HOXC11: variants seen among roughly 807,000 people sequenced by gnomAD.
HOXC11 encodes homeobox C11.
Under a neutral mutation model 23.6 loss-of-function variants are expected in HOXC11, and 17 were observed. That is an observed-to-expected ratio of 0.72 (90% confidence interval 0.49 to 1.08). The LOEUF (loss-of-function observed/expected upper bound fraction) is 1.08. Among genes scored for constraint, HOXC11 ranks in the 50% least tolerant of loss-of-function variants. The pLI is 0.00. For synonymous variants in HOXC11, 196 were observed against 183.8 expected (o/e 1.07, Z -0.54); for missense variants, 413 against 412.1 (o/e 1.00, Z -0.02).
chr12:53,976,127 C>CT lies in HOXC11; in HGVS notation c.*730dup, dbSNP rs768935038. 0.17 allele frequency: 31,514 copies of CT among 180,284 alleles called. 2,308 individuals carry two copies. Among genetic ancestry groups the CT allele is most frequent in the Non-Finnish European group, 0.21 (18,908 of 92,166 alleles). The allele number at this position is 180,284 out of a possible 1,614,324, so 11.2% of individuals were successfully genotyped here. A position where few individuals can be genotyped will look rare whatever the true frequency, so the allele number is the denominator to read the frequency against. On this transcript the variant is annotated 3_prime_UTR_variant, in exon 2 of 2. Coordinates refer to ENST00000546378, the MANE Select transcript of HOXC11 (RefSeq NM_014212.4). ...GCTATAGTCTATGCAGTCGTTACCTCTTTTTTTTTTTTTTTTAAGAAAATT... is the reference window on the plus strand; with the variant it reads ...GCTATAGTCTATGCAGTCGTTACCTCTTTTTTTTTTTTTTTTTAAGAAAATT...
At position 53,976,275 on chromosome 12, in the gene HOXC11, G is replaced by T. The variant is rs571970883; in HGVS notation, c.*862G>T. ...TCCACCTGGAGGGAAAGGGGGGGAC[G>T]CCCCCAGTGAGATTCAAATCACGCA... On this transcript the variant is annotated 3_prime_UTR_variant, in exon 2 of 2. Transcript: ENST00000546378. The T allele has an allele frequency of 5.1e-4, 113 of 223,474 alleles. No individual in the cohort carries two copies. Among genetic ancestry groups the T allele is most frequent in the Non-Finnish European group, 9.0e-4 (101 of 111,772 alleles). The allele number at this position is 223,474 out of a possible 1,614,324, so 13.8% of individuals were successfully genotyped here. A position where few individuals can be genotyped will look rare whatever the true frequency, so the allele number is the denominator to read the frequency against.
At position 53,975,406 on chromosome 12, in the gene HOXC11, T is replaced by C. The variant is rs1309223332; in HGVS notation, c.908T>C (p.Leu303Pro). The change falls in exon 2 of 2, where the codon CTG becomes CCG. Residue 303 changes from leucine to proline, a missense_variant. Transcript: ENST00000546378. ...CTGCAGTATTTCTCGGGAAATCCTC[T>C]GCTGTAACCTGCAGACCGGGCCCTT... ...DRLQYFSGNP[L>P]L 1 of 1,591,620 alleles carries C rather than the reference T, an allele frequency of 6.3e-7. No homozygotes were observed. Among genetic ancestry groups the C allele is most frequent in the Non-Finnish European group, 8.6e-7 (1 of 1,161,676 alleles).
chr12:53,973,399 A>G lies in HOXC11; in HGVS notation c.158A>G (p.Gln53Arg). ...EFSTVSSFLPQAPSRQISYPY... is the reference protein window; with the variant it reads ...EFSTVSSFLPRAPSRQISYPY... ...TCCACGGTCTCCTCCTTCCTGCCCC[A>G]GGCCCCCTCTCGTCAGATCTCCTAT... Residue 53 changes from glutamine (Q) to arginine (R), a missense_variant, in exon 1 of 2, where the codon CAG becomes CGG. Physicochemically the swap from Gln to Arg is conservative, Grantham distance 43. Coordinates refer to ENST00000546378, the MANE Select transcript of HOXC11 (RefSeq NM_014212.4). This position sits in a 1 kb window ranked among gnomAD's most constrained non-coding sequence, Gnocchi z 4.3. 6.2e-7 allele frequency: 1 copy of G among 1,614,044 alleles called. No individual in the cohort carries two copies. Among genetic ancestry groups the G allele is most frequent in the Non-Finnish European group, 8.5e-7 (1 of 1,180,012 alleles).
In HOXC11 at chr12:53,975,472, T is replaced by A. The variant is rs1675669439; in HGVS notation, c.*59T>A. ...GGGGAAAATTATTTTATTTTATTTT[T>A]ATTTTTTATTTTCTAACTCGTCTTC... On this transcript the variant is annotated 3_prime_UTR_variant, in exon 2 of 2. Transcript: ENST00000546378. 1 of 1,042,196 alleles carries A rather than the reference T, an allele frequency of 9.6e-7. No homozygotes were observed. Among genetic ancestry groups the A allele is most frequent in the Non-Finnish European group, 1.5e-6 (1 of 686,288 alleles). 64.6% of individuals were successfully genotyped at this position (1,042,196 alleles called of 1,614,324 possible). A position where few individuals can be genotyped will look rare whatever the true frequency, so the allele number is the denominator to read the frequency against.
Position 53,975,422 on chromosome 12 carries a change from C to T in HOXC11, c.*9C>T. On this transcript the variant is annotated 3_prime_UTR_variant, in exon 2 of 2. Transcript: ENST00000546378. Reference sequence around the variant, plus strand: ...GAAATCCTCTGCTGTAACCTGCAGACCGGGCCCTTTTGGGGGCGGGGGGAG... The same window carrying T: ...GAAATCCTCTGCTGTAACCTGCAGATCGGGCCCTTTTGGGGGCGGGGGGAG... The T allele has an allele frequency of 1.9e-6, 3 of 1,541,508 alleles. No individual in the cohort carries two copies. The highest frequency in any genetic ancestry group is 2.7e-6 in the Non-Finnish European group (3 of 1,116,966).
rs1395178990 is a variant in HOXC11 at position 53,973,817 on chromosome 12, G to A, written c.576G>A (p.Arg192=). The change falls in exon 1 of 2, where the codon CGG becomes CGA. Residue 192 remains arginine, a synonymous_variant. Coordinates refer to ENST00000546378, the MANE Select transcript of HOXC11 (RefSeq NM_014212.4). This position sits in a 1 kb window ranked among gnomAD's most constrained non-coding sequence, Gnocchi z 4.3. ...EAPPASGLAS[R]AEAGAEAEAE... ...CCCCGGCCTCGGGACTGGCGTCCCGGGCTGAGGCGGGTGCCGAGGCGGAGG... is the reference window on the plus strand; with the variant it reads ...CCCCGGCCTCGGGACTGGCGTCCCGAGCTGAGGCGGGTGCCGAGGCGGAGG... The A allele has an allele frequency of 6.5e-7, 1 of 1,540,878 alleles. No homozygotes were observed. Among genetic ancestry groups the A allele is most frequent in the Non-Finnish European group, 8.7e-7 (1 of 1,148,550 alleles).
In HOXC11 at chr12:53,977,337, A is replaced by G. The variant is rs1939280408; in HGVS notation, c.*1924A>G. The G allele has an allele frequency of 6.6e-6, 1 of 152,186 alleles. No individual in the cohort carries two copies. The highest frequency in any genetic ancestry group is 2.4e-5 in the African/African-American group (1 of 41,446). 9.4% of individuals were successfully genotyped at this position (152,186 alleles called of 1,614,324 possible). A position where few individuals can be genotyped will look rare whatever the true frequency, so the allele number is the denominator to read the frequency against. On this transcript the variant is annotated 3_prime_UTR_variant, in exon 2 of 2. Coordinates refer to ENST00000546378, the MANE Select transcript of HOXC11 (RefSeq NM_014212.4). Reference sequence around the variant, plus strand: ...TCTGTCTTTGTATAATTCAAAGAAAATATTTTTGTCAATACAATTCTGTTG... The same window carrying G: ...TCTGTCTTTGTATAATTCAAAGAAAGTATTTTTGTCAATACAATTCTGTTG...
At position 53,973,250 on chromosome 12, in the gene HOXC11, C is replaced by T. The variant is rs746737594; in HGVS notation, c.9C>T (p.Asn3=). Reference sequence around the variant, plus strand: ...GGCAGGAGAGGAGAACGATGTTTAACTCGGTCAACCTGGGCAACTTCTGCT... The same window carrying T: ...GGCAGGAGAGGAGAACGATGTTTAATTCGGTCAACCTGGGCAACTTCTGCT... MF[N]SVNLGNFCSP... The change falls in exon 1 of 2, where the codon AAC becomes AAT. Residue 3 remains asparagine (N), a synonymous_variant. Coordinates refer to ENST00000546378, the MANE Select transcript of HOXC11 (RefSeq NM_014212.4). This position sits in a 1 kb window ranked among gnomAD's most constrained non-coding sequence, Gnocchi z 4.3. 2.5e-6 allele frequency: 4 copies of T among 1,596,340 alleles called. No homozygotes were observed. Among genetic ancestry groups the T allele is most frequent in the South Asian group, 1.1e-5 (1 of 88,072 alleles).
chr12:53,975,951 G>A lies in HOXC11; in HGVS notation c.*538G>A, dbSNP rs982830822. 1.9e-5 allele frequency: 5 copies of A among 257,672 alleles called. No homozygotes were observed. The highest frequency in any genetic ancestry group is 1.1e-4 in the African/African-American group (5 of 46,048). The allele number at this position is 257,672 out of a possible 1,614,324, so 16.0% of individuals were successfully genotyped here. On this transcript the variant is annotated 3_prime_UTR_variant, in exon 2 of 2. Transcript: ENST00000546378. The stretch of plus-strand genomic sequence containing the variant: ...TTCAACCTGGTGTTAGGTGTGCAAA[G>A]TCCGTGTCCTACCTCCGTCTTCGCC...
chr12:53,976,584 T>A lies in HOXC11; in HGVS notation c.*1171T>A, dbSNP rs1414863404. 6.0e-6 allele frequency: 1 copy of A among 166,610 alleles called. No individual in the cohort carries two copies. The highest frequency in any genetic ancestry group is 1.3e-5 in the Non-Finnish European group (1 of 76,074). The allele number at this position is 166,610 out of a possible 1,614,324, so 10.3% of individuals were successfully genotyped here. ...GGTGCTAGCCGGCCTGGAGCTCCTC[T>A]CCGCTGGCAGGGCCAAGAGTATGGC... On this transcript the variant is annotated 3_prime_UTR_variant, in exon 2 of 2. Coordinates refer to ENST00000546378, the MANE Select transcript of HOXC11 (RefSeq NM_014212.4).
In HOXC11 at chr12:53,973,665, A is replaced by T. The variant is rs769163448; in HGVS notation, c.424A>T (p.Asn142Tyr). ...ATPAGFYSSVNKNSVLPQAFD... is the reference protein window; with the variant it reads ...ATPAGFYSSVYKNSVLPQAFD... ...CCCCGCCGGCTTCTACTCCTCAGTC[A>T]ACAAGAACAGCGTCCTGCCTCAAGC... Residue 142 changes from asparagine (N) to tyrosine (Y), a missense_variant, in exon 1 of 2, where the codon AAC becomes TAC. Physicochemically the swap from Asn to Tyr is moderately radical, Grantham distance 143. Coordinates refer to ENST00000546378, the MANE Select transcript of HOXC11 (RefSeq NM_014212.4). This position sits in a 1 kb window ranked among gnomAD's most constrained non-coding sequence, Gnocchi z 4.3. 6.2e-7 allele frequency: 1 copy of T among 1,613,516 alleles called. No homozygotes were observed. Among genetic ancestry groups the T allele is most frequent in the South Asian group, 1.1e-5 (1 of 91,080 alleles).
chr12:53,974,133 G>A (rs1055607770), intron 1 of HOXC11, among the ~76,000 whole-genome samples: 3 of 152,180 alleles, frequency 2.0e-5, no homozygotes, highest in African/African-American at 7.2e-5. Context: ...ATGGAGAAGG[G>A]GTGGGGAGGG....
Position 53,976,380 on chromosome 12 carries a change from T to G in HOXC11, c.*967T>G. 1 of 210,190 alleles carries G rather than the reference T, an allele frequency of 4.8e-6. No homozygotes were observed. The highest frequency in any genetic ancestry group is 7.1e-5 in the East Asian group (1 of 14,066). 13.0% of individuals were successfully genotyped at this position (210,190 alleles called of 1,614,324 possible). On this transcript the variant is annotated 3_prime_UTR_variant, in exon 2 of 2. Transcript: ENST00000546378. Reference sequence around the variant, plus strand: ...CTTCCCAGAGGGATTGCTGTGAAATTTTTTTGGTGGCAAATAAAGATAAAT... The same window carrying G: ...CTTCCCAGAGGGATTGCTGTGAAATGTTTTTGGTGGCAAATAAAGATAAAT...
chr12:53,974,731 C>T (rs1939223029), intron 1 of HOXC11, among the ~76,000 whole-genome samples: 1 of 151,864 alleles, frequency 6.6e-6, no homozygotes, highest in Admixed American at 6.5e-5. Flanking sequence ...TTCCTCCCCG[C>T]CTCCCGACTG....
rs778097278 is a variant in HOXC11 at position 53,973,823 on chromosome 12, G to A, written c.582G>A (p.Glu194=). ...PPASGLASRA[E]AGAEAEAEEE... is the part of the protein sequence containing the mutation. ...CCTCGGGACTGGCGTCCCGGGCTGA[G>A]GCGGGTGCCGAGGCGGAGGCTGAGG... The change falls in exon 1 of 2, where the codon GAG becomes GAA. Residue 194 remains glutamate, a synonymous_variant. Coordinates refer to ENST00000546378, the MANE Select transcript of HOXC11 (RefSeq NM_014212.4). The surrounding 1 kb of genome is among the most constrained non-coding windows in gnomAD (Gnocchi z 4.3). 11 of 1,529,724 alleles carry A rather than the reference G, an allele frequency of 7.2e-6. No individual in the cohort carries two copies. The African/African-American group carries it at 9.7e-5, about 14-fold the overall frequency. 94.8% of individuals were successfully genotyped at this position (1,529,724 alleles called of 1,614,324 possible). A position where few individuals can be genotyped will look rare whatever the true frequency, so the allele number is the denominator to read the frequency against.
rs758234053 is a variant in HOXC11 at position 53,975,454 on chromosome 12, A to T, written c.*41A>T. ...CTTTTGGGGGCGGGGGGAGGGGAAAATTATTTTATTTTATTTTTATTTTTT... is the reference window on the plus strand; with the variant it reads ...CTTTTGGGGGCGGGGGGAGGGGAAATTTATTTTATTTTATTTTTATTTTTT... On this transcript the variant is annotated 3_prime_UTR_variant, in exon 2 of 2. Transcript: ENST00000546378. 1 of 1,141,298 alleles carries T rather than the reference A, an allele frequency of 8.8e-7. No homozygotes were observed. Among genetic ancestry groups the T allele is most frequent in the East Asian group, 2.5e-5 (1 of 39,986 alleles). The allele number at this position is 1,141,298 out of a possible 1,614,324, so 70.7% of individuals were successfully genotyped here. A position where few individuals can be genotyped will look rare whatever the true frequency, so the allele number is the denominator to read the frequency against.
At position 53,976,199 on chromosome 12, in the gene HOXC11, C is replaced by T; in HGVS notation, c.*786C>T. On this transcript the variant is annotated 3_prime_UTR_variant, in exon 2 of 2. Coordinates refer to ENST00000546378, the MANE Select transcript of HOXC11 (RefSeq NM_014212.4). ...AGTAGGGAGATGGGATTGGGCACCT[C>T]CCCCGTGCTGGGGCCTGGATTTTTG... The T allele has an allele frequency of 4.5e-6, 1 of 220,398 alleles. No individual in the cohort carries two copies. The highest frequency in any genetic ancestry group is 9.0e-6 in the Non-Finnish European group (1 of 111,576). The allele number at this position is 220,398 out of a possible 1,614,324, so 13.7% of individuals were successfully genotyped here. A position where few individuals can be genotyped will look rare whatever the true frequency, so the allele number is the denominator to read the frequency against.
At position 53,975,318 on chromosome 12, in the gene HOXC11, C is replaced by A. The variant is rs146931383; in HGVS notation, c.820C>A (p.Arg274=). ...QLSRMLNLTD[R]QVKIWFQNRR... ...GTCCCGGATGCTGAACCTGACGGAC[C>A]GACAAGTGAAAATTTGGTTTCAGAA... Residue 274 remains arginine, a synonymous_variant, in exon 2 of 2, where the codon CGA becomes AGA. Coordinates refer to ENST00000546378, the MANE Select transcript of HOXC11 (RefSeq NM_014212.4). 7.3e-4 allele frequency: 1,173 copies of A among 1,613,574 alleles called. 6 individuals are homozygous for A. In the African/African-American group the frequency reaches 0.011, roughly 15 times the overall value.
In HOXC11 at chr12:53,973,397, C is replaced by T. The variant is rs1271584837; in HGVS notation, c.156C>T (p.Pro52=). 1.9e-6 allele frequency: 3 copies of T among 1,614,216 alleles called. No individual in the cohort carries two copies. The highest frequency in any genetic ancestry group is 1.3e-5 in the African/African-American group (1 of 75,052). The change falls in exon 1 of 2, where the codon CCC becomes CCT. Residue 52 remains proline, a synonymous_variant. Transcript: ENST00000546378. This position sits in a 1 kb window ranked among gnomAD's most constrained non-coding sequence, Gnocchi z 4.3. Reference sequence around the variant, plus strand: ...TCTCCACGGTCTCCTCCTTCCTGCCCCAGGCCCCCTCTCGTCAGATCTCCT... The same window carrying T: ...TCTCCACGGTCTCCTCCTTCCTGCCTCAGGCCCCCTCTCGTCAGATCTCCT... ...PEFSTVSSFL[P]QAPSRQISYP...
Sources: allele counts gnomAD v4.1 joint callset (sites outside exome capture counted in the v4.1 genomes callset), GRCh38; gene constraint gnomAD v4.1.1; non-coding constraint Gnocchi (gnomAD v3.1); transcripts MANE v1.5; gene names NCBI Gene and HGNC (gene_info 2026-07-23, HGNC 2026-07-21).